Variants in ARHGAP21 observed in about 807,000 individuals in gnomAD.
ARHGAP21 encodes the protein rho GTPase-activating protein 21.
Under a neutral mutation model 164.6 loss-of-function variants are expected in ARHGAP21, and 38 were observed. That is an observed-to-expected ratio of 0.23 (90% CI 0.18 to 0.30). The LOEUF (loss-of-function observed/expected upper bound fraction) is 0.30. Among genes scored for constraint, ARHGAP21 ranks in the 10% least tolerant of loss-of-function variants. The probability of loss-of-function intolerance (pLI) is 1.00; values close to 1 mark genes in which losing one functional copy is unlikely to be tolerated. For synonymous variants in ARHGAP21, 766 were observed against 857.9 expected (o/e 0.89, Z 1.87); for missense variants, 1,822 against 2,370.7 (o/e 0.77, Z 4.81).
chr10:24,585,116 T>C lies in ARHGAP21; in HGVS notation c.5173A>G (p.Lys1725Glu). The C allele has an allele frequency of 1.9e-6, 3 of 1,613,402 alleles. No homozygotes were observed. The highest frequency in any genetic ancestry group is 2.5e-6 in the Non-Finnish European group (3 of 1,179,798). ...ACTTTAGTTAACGAAGGTGCTTCTT[T>C]CTCATTCTTGGCATCTCCTAGACTT... Reference protein sequence around the residue: ...SGSLGDAKNEKEAPSLTKVFD... With the variant: ...SGSLGDAKNEEEAPSLTKVFD... Residue 1725 changes from lysine (K) to glutamate (E), a missense_variant, in exon 26 of 26, where the codon AAA becomes GAA. Physicochemically the swap from Lys to Glu is moderately conservative, Grantham distance 56. This residue lies in a region of ARHGAP21 where 117 missense variants were observed against 193.2 expected (regional missense o/e 0.61). Coordinates refer to ENST00000396432, the MANE Select transcript of ARHGAP21 (RefSeq NM_020824.4).
chr10:24,655,103 T>C (rs964165739), intron 4 of ARHGAP21, among the ~76,000 whole-genome samples: 5 of 152,200 alleles, frequency 3.3e-5, no homozygotes, highest in Admixed American at 6.5e-5. Context: ...TCCTTACACC[T>C]TATACAAAAA....
chr10:24,604,812 C>G (rs1265978736), intron 11 of ARHGAP21, among the ~76,000 whole-genome samples: 4 of 152,098 alleles, frequency 2.6e-5, no homozygotes, highest in Non-Finnish European at 5.9e-5. Flanking sequence ...AGGGAGGGCA[C>G]AGTTACAGAC....
intron 21 of ARHGAP21, among the ~76,000 whole-genome samples, chr10:24,593,469 AT>A (rs2076427781): frequency 6.6e-6 from 1 of 152,156 alleles, no homozygotes; most frequent in Non-Finnish European, 1.5e-5. Context: ...GATAACAAAC[AT>A]TAATATTTAT....
chr10:24,593,611 C>T (rs1404056618), intron 21 of ARHGAP21, among the ~76,000 whole-genome samples: 1 of 152,026 alleles, frequency 6.6e-6, no homozygotes, highest in Non-Finnish European at 1.5e-5. Flanking sequence ...CCATAAAATA[C>T]CATACCCCAT....
intron 1 of ARHGAP21, 31 bp downstream of exon 1, chr10:24,723,531 G>A (rs1053157016): frequency 3.4e-5 from 5 of 147,322 alleles, no homozygotes; most frequent in African/African-American, 4.9e-5. Flanking sequence ...GCGCCCTCTC[G>A]GCTGAGACGG....
At chr10:24,614,476 T>C (rs983544214) in intron 9 of ARHGAP21, among the ~76,000 whole-genome samples, 1 of 152,222 alleles carries the variant, frequency 6.6e-6, no homozygotes, top group Admixed American at 6.5e-5. Flanking sequence ...TCTACTTTAG[T>C]GAAACAATTT....
At chr10:24,655,505 C>T (rs1356437288) in intron 4 of ARHGAP21, among the ~76,000 whole-genome samples, 2 of 152,238 alleles carry the variant, frequency 1.3e-5, no homozygotes, top group African/African-American at 2.4e-5. Context: ...ATGCAGCCAA[C>T]AGACACATGA....
At chr10:24,593,491 C>A (rs146870128) in intron 21 of ARHGAP21, among the ~76,000 whole-genome samples, 3 of 151,760 alleles carry the variant, frequency 2.0e-5, no homozygotes, top group Non-Finnish European at 4.4e-5. Flanking sequence ...ATGTATACAC[C>A]GTAATATTTT....
At chr10:24,642,493 C>T (rs1304073291) in intron 4 of ARHGAP21, among the ~76,000 whole-genome samples, 1 of 129,018 alleles carries the variant, frequency 7.8e-6, no homozygotes, top group African/African-American at 3.0e-5. Context: ...CCAGCCTGGG[C>T]GACAGAGCGA....
chr10:24,596,049 A>G lies in ARHGAP21; in HGVS notation c.3478-6T>C. On this transcript the variant is annotated splice_region_variant and splice_polypyrimidine_tract_variant and intron_variant, in intron 17 of 25. Transcript: ENST00000396432. ...TCAACTATTAATGGAATATACTGCA[A>G]AACAAGAAATAAACATTTTATTTAA... 6.3e-7 allele frequency: 1 copy of G among 1,585,526 alleles called. No individual in the cohort carries two copies. Among genetic ancestry groups the G allele is most frequent in the Non-Finnish European group, 8.6e-7 (1 of 1,164,788 alleles).
intron 4 of ARHGAP21, among the ~76,000 whole-genome samples, chr10:24,664,446 T>C (rs1839986891): frequency 6.6e-6 from 1 of 151,570 alleles, no homozygotes; most frequent in African/African-American, 2.4e-5. Flanking sequence ...TCCCAGCTAC[T>C]GATGGTGGGT....
chr10:24,630,482 A>C (rs1201790915), intron 6 of ARHGAP21, among the ~76,000 whole-genome samples: 1 of 152,102 alleles, frequency 6.6e-6, no homozygotes. Flanking sequence ...AGAACCCTCA[A>C]ACTTAATATT....
At chr10:24,643,433 C>G (rs1344911180) in intron 4 of ARHGAP21, among the ~76,000 whole-genome samples, 1 of 152,170 alleles carries the variant, frequency 6.6e-6, no homozygotes, top group Non-Finnish European at 1.5e-5. Flanking sequence ...ATCCTTTAAC[C>G]AATTAAACTT....
In ARHGAP21 at chr10:24,707,292, C is replaced by T. The variant is rs562396746; in HGVS notation, c.63+14545G>A. On this transcript the variant is annotated intron_variant, in intron 2 of 25. Coordinates refer to ENST00000396432, the MANE Select transcript of ARHGAP21 (RefSeq NM_020824.4). ...TTTGTAAGATGGAGACATACCTTCA[C>T]GAGGTTTAATCTGAAATAACATCTG... Among the ~76,000 whole-genome samples, 11 of 152,294 alleles carry T rather than the reference C, an allele frequency of 7.2e-5. No individual in the cohort carries two copies. In the South Asian group the frequency reaches 2.1e-3, roughly 29 times the overall value.
chr10:24,590,689 A>C, intron 24 of ARHGAP21: 1 of 1,325,000 alleles, frequency 7.5e-7, no homozygotes. Flanking sequence ...AAACAGAAGA[A>C]AATAAATGTC....
At position 24,612,698 on chromosome 10, in the gene ARHGAP21, C is replaced by CA. The variant is rs369163039; in HGVS notation, c.2423-4796dup. Among the ~76,000 whole-genome samples, 676 of 151,536 alleles carry CA rather than the reference C, an allele frequency of 4.5e-3. 9 individuals carry two copies. The highest frequency in any genetic ancestry group is 0.038 in the South Asian group (181 of 4,780). ...TGAAACCCCGTCTCTACTAAAAATA[C>CA]AAAAAAATTAGCCAGGTGTGGTGGC... On this transcript the variant is annotated intron_variant, in intron 9 of 25. Coordinates refer to ENST00000396432, the MANE Select transcript of ARHGAP21 (RefSeq NM_020824.4).
intron 5 of ARHGAP21, among the ~76,000 whole-genome samples, chr10:24,634,389 A>G (rs148188618): frequency 6.6e-6 from 1 of 152,206 alleles, no homozygotes; most frequent in Non-Finnish European, 1.5e-5. Flanking sequence ...CCCATTTTAA[A>G]TTGTCTAATG....
chr10:24,584,366 G>C lies in ARHGAP21; in HGVS notation c.*46C>G. Reference sequence around the variant, plus strand: ...AAAATATTGACAGAGTTACTGGAACGTGTAACAGTAGTTTTTTTACTTGCT... The same window carrying C: ...AAAATATTGACAGAGTTACTGGAACCTGTAACAGTAGTTTTTTTACTTGCT... On this transcript the variant is annotated 3_prime_UTR_variant, in exon 26 of 26. Transcript: ENST00000396432. The C allele has an allele frequency of 6.6e-7, 1 of 1,519,510 alleles. No homozygotes were observed. Among genetic ancestry groups the C allele is most frequent in the South Asian group, 1.3e-5 (1 of 75,486 alleles). The allele number at this position is 1,519,510 out of a possible 1,614,324, so 94.1% of individuals were successfully genotyped here.
chr10:24,645,164 A>C (rs746382845), intron 4 of ARHGAP21, among the ~76,000 whole-genome samples: 3 of 152,128 alleles, frequency 2.0e-5, no homozygotes, highest in Non-Finnish European at 4.4e-5. Flanking sequence ...GTAACTTCTA[A>C]ATGTCTCTAA....
Sources: allele counts gnomAD v4.1 joint callset (sites outside exome capture counted in the v4.1 genomes callset), GRCh38; gene constraint gnomAD v4.1.1; regional missense constraint gnomAD v4.1.1; transcripts MANE v1.5; gene names NCBI Gene and HGNC (gene_info 2026-07-23, HGNC 2026-07-21).